BTBD7: variants seen among roughly 807,000 people sequenced by gnomAD.
BTBD7 encodes BTB domain containing 7.
A neutral mutation model predicts 99.9 loss-of-function variants in BTBD7; 38 were observed. The observed-to-expected ratio is 0.38, with a 90% CI of 0.29 to 0.50. The LOEUF (loss-of-function observed/expected upper bound fraction) is 0.50. Ranked by LOEUF, BTBD7 falls within the 20% of genes least tolerant of loss-of-function variation. The pLI is 0.93. For missense variants in BTBD7, 1,170 were observed against 1,394.6 expected (o/e 0.84, Z 2.57); for synonymous variants, 520 against 511.4 (o/e 1.02, Z -0.23).
intron 7 of BTBD7, 22 bp downstream of exon 7, chr14:93,253,625 A>G (rs1474551681): frequency 1.2e-6 from 2 of 1,602,488 alleles, no homozygotes; most frequent in African/African-American, 2.7e-5. Flanking sequence ...GTAGTCTACT[A>G]TCTTCAAATG....
intron 1 of BTBD7, among the ~76,000 whole-genome samples, chr14:93,313,870 A>C (rs938257320): frequency 5.3e-5 from 8 of 152,066 alleles, no homozygotes; most frequent in African/African-American, 1.9e-4. Context: ...AGTAGCTAGG[A>C]CTATAGGTGT....
chr14:93,254,695 T>C (rs1322142860), intron 6 of BTBD7, among the ~76,000 whole-genome samples: 4 of 152,232 alleles, frequency 2.6e-5, no homozygotes, highest in East Asian at 1.9e-4. Flanking sequence ...GTTTCCTGAC[T>C]GATGCCAGGA....
chr14:93,267,265 A>T (rs1260666709), intron 3 of BTBD7, among the ~76,000 whole-genome samples: 1 of 152,220 alleles, frequency 6.6e-6, no homozygotes, highest in Non-Finnish European at 1.5e-5. Context: ...AGGAAAAAAA[A>T]TGGGCTTTAA....
intron 1 of BTBD7, among the ~76,000 whole-genome samples, chr14:93,315,588 T>C (rs76135911): frequency 0.02 from 3,040 of 152,344 alleles, 46 homozygotes; most frequent in Admixed American, 0.031. Flanking sequence ...TCCCCAATCC[T>C]AGGCAACTAC....
At chr14:93,307,185 A>G (rs1315157461) in intron 1 of BTBD7, among the ~76,000 whole-genome samples, 1 of 152,202 alleles carries the variant, frequency 6.6e-6, no homozygotes, top group Admixed American at 6.5e-5. Flanking sequence ...TTTAAGAGGC[A>G]GAGTCTCACT....
chr14:93,248,457 GT>G lies in BTBD7; in HGVS notation c.2121+18del. 1 of 1,612,436 alleles carries G rather than the reference GT, an allele frequency of 6.2e-7. No homozygotes were observed. The highest frequency in any genetic ancestry group is 8.5e-7 in the Non-Finnish European group (1 of 1,179,340). ...TGACTGAGGCTCCCTATTTTAAACA[GT>G]TTAATGTCATTTCCTACCTGCAACA... On this transcript the variant is annotated intron_variant, in intron 9 of 10. Transcript: ENST00000334746.
chr14:93,242,681 C>T lies in BTBD7; in HGVS notation c.2991G>A (p.Thr997=), dbSNP rs778754811. 7.4e-6 allele frequency: 12 copies of T among 1,614,008 alleles called. No homozygotes were observed. The highest frequency in any genetic ancestry group is 6.7e-5 in the East Asian group (3 of 44,892). ...GLKSAYLPGQ[T]SPKKQEEARR... Reference sequence around the variant, plus strand: ...TAGCTTCTTCCTGTTTTTTAGGAGACGTCTGACCAGGTAGGTAGGCTGACT... The same window carrying T: ...TAGCTTCTTCCTGTTTTTTAGGAGATGTCTGACCAGGTAGGTAGGCTGACT... The change falls in exon 11 of 11, where the codon ACG becomes ACA. Residue 997 remains threonine (T), a synonymous_variant. Coordinates refer to ENST00000334746, the MANE Select transcript of BTBD7 (RefSeq NM_001002860.4).
intron 1 of BTBD7, among the ~76,000 whole-genome samples, chr14:93,317,521 A>G (rs148710120): frequency 1.3e-5 from 2 of 152,182 alleles, no homozygotes; most frequent in Admixed American, 1.3e-4. Flanking sequence ...ATCTTGATAC[A>G]TTAGGAAAGA....
At chr14:93,264,564 A>T (rs934689166) in intron 3 of BTBD7, among the ~76,000 whole-genome samples, 2 of 152,230 alleles carry the variant, frequency 1.3e-5, no homozygotes, top group Non-Finnish European at 2.9e-5. Context: ...AGGATCCTGG[A>T]GAAAGCAACT....
At chr14:93,320,745 C>T (rs1255674029) in intron 1 of BTBD7, among the ~76,000 whole-genome samples, 1 of 149,054 alleles carries the variant, frequency 6.7e-6, no homozygotes, top group East Asian at 2.0e-4. Context: ...AGATAAACCA[C>T]TTTTTTTTTT....
Position 93,265,417 on chromosome 14 carries a change from G to A in BTBD7, c.1163-1424C>T, listed in dbSNP as rs548609863. Among the ~76,000 whole-genome samples the A allele has an allele frequency of 2.0e-5, 3 of 152,314 alleles. No individual in the cohort carries two copies. In the East Asian group the frequency reaches 5.8e-4, roughly 29 times the overall value. On this transcript the variant is annotated intron_variant, in intron 3 of 10. Coordinates refer to ENST00000334746, the MANE Select transcript of BTBD7 (RefSeq NM_001002860.4). The stretch of plus-strand genomic sequence containing the variant: ...CTAAACTGTAAGCACCACAAGATAG[G>A]GACGGCTATCTTCAATGTATTCCTA...
At position 93,242,525 on chromosome 14, in the gene BTBD7, G is replaced by A. The variant is rs145129249; in HGVS notation, c.3147C>T (p.Thr1049=). 9.6e-4 allele frequency: 1,547 copies of A among 1,614,224 alleles called. 5 individuals are homozygous for A. The highest frequency in any genetic ancestry group is 2.3e-3 in the Middle Eastern group (14 of 6,062). Residue 1049 remains threonine, a synonymous_variant, in exon 11 of 11, where the codon ACC becomes ACT. Coordinates refer to ENST00000334746, the MANE Select transcript of BTBD7 (RefSeq NM_001002860.4). ...TTCGTCCCCTGACATGGGCTGGACCGGTACTAGCATTTTCTGGGGCTGCCA... is the reference window on the plus strand; with the variant it reads ...TTCGTCCCCTGACATGGGCTGGACCAGTACTAGCATTTTCTGGGGCTGCCA... ...FPLAAPENAS[T]GPAHVRGRTA...
In BTBD7 at chr14:93,241,668, A is replaced by C. The variant is rs927924121; in HGVS notation, c.*605T>G. ...GACTCCCGCTGGAGGAATGAAGCCC[A>C]GCTCCTAGGACTTATTAAAAAAAAA... On this transcript the variant is annotated 3_prime_UTR_variant, in exon 11 of 11. Coordinates refer to ENST00000334746, the MANE Select transcript of BTBD7 (RefSeq NM_001002860.4). 6.5e-6 allele frequency: 1 copy of C among 152,676 alleles called. No homozygotes were observed. Among genetic ancestry groups the C allele is most frequent in the African/African-American group, 2.4e-5 (1 of 41,422 alleles). 9.5% of individuals were successfully genotyped at this position (152,676 alleles called of 1,614,324 possible).
At chr14:93,287,127 G>A (rs1595311693) in intron 3 of BTBD7, among the ~76,000 whole-genome samples, 1 of 151,740 alleles carries the variant, frequency 6.6e-6, no homozygotes, top group East Asian at 1.9e-4. Flanking sequence ...TACTTGTGAG[G>A]CTGAGGCAGG....
Position 93,294,786 on chromosome 14 carries a change from C to T in BTBD7, c.234G>A (p.Arg78=). ...KKFIKRRKSN[R]SADHAKQMRE... ...GCATCTGCTTGGCATGATCGGCAGA[C>T]CTATTAGATTTCCGACGCTTAATAA... is the stretch of plus-strand genomic sequence containing the variant. Residue 78 remains arginine, a synonymous_variant, in exon 3 of 11, where the codon AGG becomes AGA. Transcript: ENST00000334746. 1 of 1,613,968 alleles carries T rather than the reference C, an allele frequency of 6.2e-7. No homozygotes were observed. Among genetic ancestry groups the T allele is most frequent in the Non-Finnish European group, 8.5e-7 (1 of 1,180,004 alleles).
intron 8 of BTBD7, among the ~76,000 whole-genome samples, chr14:93,249,810 G>A (rs1048824249): frequency 5.9e-5 from 9 of 152,274 alleles, no homozygotes; most frequent in Admixed American, 2.0e-4. Context: ...GCGGGAACAC[G>A]GGTTAGAAAC....
Position 93,240,481 on chromosome 14 carries a change from G to A in BTBD7, c.*1792C>T, listed in dbSNP as rs922664890. 1 of 152,588 alleles carries A rather than the reference G, an allele frequency of 6.6e-6. No homozygotes were observed. The highest frequency in any genetic ancestry group is 1.5e-5 in the Non-Finnish European group (1 of 68,032). 9.5% of individuals were successfully genotyped at this position (152,588 alleles called of 1,614,324 possible). ...CAAAGTGCATGTAATTCATTTACCC[G>A]GTAGCTCATAAACGCTCCCTAGCCC... On this transcript the variant is annotated 3_prime_UTR_variant, in exon 11 of 11. Coordinates refer to ENST00000334746, the MANE Select transcript of BTBD7 (RefSeq NM_001002860.4).
rs537908337 is a variant in BTBD7 at position 93,279,314 on chromosome 14, A to AT, written c.1162+14543dup. 1.8e-3 allele frequency among the ~76,000 whole-genome samples: 281 copies of AT among 152,216 alleles called. 6 individuals carry two copies. Among genetic ancestry groups the AT allele is most frequent in the Non-Finnish European group, 1.9e-4 (13 of 68,000 alleles). On this transcript the variant is annotated intron_variant, in intron 3 of 10. Transcript: ENST00000334746. ...CTCCAGCCAAAAAGGCCTAGCTGTC[A>AT]TTTATCTCTAGGCCAGTTCCTGCTG... is the stretch of plus-strand genomic sequence containing the variant.
At position 93,246,185 on chromosome 14, in the gene BTBD7, T is replaced by C. The variant is rs1295365057; in HGVS notation, c.2223A>G (p.Ala741=). The C allele has an allele frequency of 6.8e-6, 11 of 1,613,604 alleles. No homozygotes were observed. Among genetic ancestry groups the C allele is most frequent in the African/African-American group, 4.0e-5 (3 of 74,990 alleles). ...AGTCCAGATCTGTAAACATGGTTTC[T>C]GCAGGAGGTGTACTGTTTACGCGAC... The part of the protein sequence containing the change: ...GRCRVNSTPP[A]ETMFTDLDSF... Residue 741 remains alanine, a synonymous_variant, in exon 10 of 11, where the codon GCA becomes GCG. Coordinates refer to ENST00000334746, the MANE Select transcript of BTBD7 (RefSeq NM_001002860.4).
Sources: allele counts gnomAD v4.1 joint callset (sites outside exome capture counted in the v4.1 genomes callset), GRCh38; gene constraint gnomAD v4.1.1; transcripts MANE v1.5; gene names NCBI Gene and HGNC (gene_info 2026-07-23, HGNC 2026-07-21).